Variants in IGF1R observed in about 807,000 individuals in gnomAD.
The protein encoded by IGF1R is insulin-like growth factor 1 receptor.
IGF1R carries 44 observed loss-of-function variants against 144.6 expected under a neutral mutation model. The observed-to-expected ratio is 0.30, with a 90% CI of 0.24 to 0.39. IGF1R has a LOEUF of 0.39. IGF1R is among the 10% of genes least tolerant of loss of function. The pLI is 1.00. For missense variants in IGF1R, 1,355 were observed against 1,833.7 expected (o/e 0.74, Z 4.77); for synonymous variants, 795 against 722.8 (o/e 1.10, Z -1.60).
chr15:98,793,654 AT>A (rs1446202855), intron 2 of IGF1R, among the ~76,000 whole-genome samples: 3 of 152,272 alleles, frequency 2.0e-5, no homozygotes, highest in Non-Finnish European at 4.4e-5. Context: ...CTTGCTAAAT[AT>A]TTATAGCATA....
At chr15:98,942,801 A>G (rs951866408) in intron 18 of IGF1R, 122 bp from the exon 19 acceptor site, 2 of 1,310,204 alleles carry the variant, frequency 1.5e-6, no homozygotes, top group Non-Finnish European at 2.2e-6. Context: ...GGCCACCTTA[A>G]AGTGGGACGT....
intron 2 of IGF1R, among the ~76,000 whole-genome samples, chr15:98,757,520 C>T (rs1358779972): frequency 6.6e-6 from 1 of 152,056 alleles, no homozygotes; most frequent in East Asian, 1.9e-4. Flanking sequence ...GTGTATTTAT[C>T]TGCCGTTTTG....
intron 1 of IGF1R, among the ~76,000 whole-genome samples, chr15:98,670,043 G>C (rs981272793): frequency 2.0e-5 from 3 of 152,192 alleles, no homozygotes; most frequent in African/African-American, 7.2e-5. Flanking sequence ...TGGTTTTGTA[G>C]GATTTGGAGA....
chr15:98,899,393 G>T, intron 4 of IGF1R, 84 bp from the exon 5 acceptor site: 24 of 1,407,712 alleles, frequency 1.7e-5, no homozygotes, highest in East Asian at 9.4e-5. Context: ...CCGTTGAATT[G>T]TTCTCACTTG....
chr15:98,862,566 T>A (rs1267906350), intron 2 of IGF1R, among the ~76,000 whole-genome samples: 1 of 152,230 alleles, frequency 6.6e-6, no homozygotes, highest in Admixed American at 6.5e-5. Flanking sequence ...AACTAGGGAT[T>A]CACCTTATTT....
chr15:98,925,230 G>C (rs1002103856), intron 13 of IGF1R, among the ~76,000 whole-genome samples: 1 of 152,112 alleles, frequency 6.6e-6, no homozygotes, highest in African/African-American at 2.4e-5. Context: ...AATGTACGGT[G>C]CTCACCCTTT....
rs1164194406 is a variant in IGF1R at position 98,930,164 on chromosome 15, C to G, written c.2886-71C>G. On this transcript the variant is annotated intron_variant, in intron 14 of 20. Coordinates refer to ENST00000650285, the MANE Select transcript of IGF1R (RefSeq NM_000875.5). Reference sequence around the variant, plus strand: ...GAGAGGATAAATGAAACTGTTGTAGCGAAGATGAAAGTATATACAGGAATG... The same window carrying G: ...GAGAGGATAAATGAAACTGTTGTAGGGAAGATGAAAGTATATACAGGAATG... The G allele has an allele frequency of 3.9e-6, 4 of 1,025,478 alleles. No homozygotes were observed. In the South Asian group the frequency reaches 5.2e-5, roughly 13 times the overall value. 63.5% of individuals were successfully genotyped at this position (1,025,478 alleles called of 1,614,324 possible).
At chr15:98,883,353 C>CAAATATG in intron 2 of IGF1R, among the ~76,000 whole-genome samples, 1 of 152,264 alleles carries the variant, frequency 6.6e-6, no homozygotes, top group East Asian at 1.9e-4. Flanking sequence ...TGACAGAATC[C>CAAATATG]TCTTGTCTTC....
At position 98,859,044 on chromosome 15, in the gene IGF1R, C is replaced by T. The variant is rs561297567; in HGVS notation, c.641-32281C>T. 2.6e-5 allele frequency among the ~76,000 whole-genome samples: 4 copies of T among 151,168 alleles called. No homozygotes were observed. In the East Asian group the frequency reaches 7.8e-4, roughly 29 times the overall value. On this transcript the variant is annotated intron_variant, in intron 2 of 20. Transcript: ENST00000650285. ...CCAGCCTCCGGGGAGGGTTTAGCTT[C>T]TCATCTAAGCAAGAAGTAAAATGTC... is the stretch of plus-strand genomic sequence containing the variant.
At chr15:98,868,370 T>TTTGG (rs71149424) in intron 2 of IGF1R, among the ~76,000 whole-genome samples, 2 of 122,778 alleles carry the variant, frequency 1.6e-5, no homozygotes, top group Non-Finnish European at 3.3e-5. Flanking sequence ...TTTTTTTTTT[T>TTTGG]GGGGGGGGGG....
intron 2 of IGF1R, among the ~76,000 whole-genome samples, chr15:98,839,088 C>T (rs1008529654): frequency 1.3e-5 from 2 of 152,236 alleles, no homozygotes; most frequent in East Asian, 1.9e-4. Flanking sequence ...GAATCTTGCA[C>T]CTGCTGCCAG....
intron 2 of IGF1R, among the ~76,000 whole-genome samples, chr15:98,787,079 C>T (rs1032272149): frequency 1.3e-5 from 2 of 152,152 alleles, no homozygotes; most frequent in African/African-American, 4.8e-5. Flanking sequence ...CGTAATTGGT[C>T]ATGAGACTTG....
At chr15:98,827,341 G>A (rs2056913300) in intron 2 of IGF1R, among the ~76,000 whole-genome samples, 1 of 152,138 alleles carries the variant, frequency 6.6e-6, no homozygotes, top group African/African-American at 2.4e-5. Flanking sequence ...CCGTTTGAAT[G>A]TATACCATGA....
chr15:98,649,520 CTTTTCTTTTTTTTTTTTTTT>C lies in IGF1R; in HGVS notation c.-57_-38del. The C allele has an allele frequency of 1.2e-6, 1 of 857,962 alleles. No individual in the cohort carries two copies. The highest frequency in any genetic ancestry group is 1.7e-6 in the Non-Finnish European group (1 of 588,892). 53.1% of individuals were successfully genotyped at this position (857,962 alleles called of 1,614,324 possible). A position where few individuals can be genotyped will look rare whatever the true frequency, so the allele number is the denominator to read the frequency against. ...TCCTTTCATTTCCTTTTTTTCTTTT[CTTTTCTTTTTTTTTTTTTTT>C]TTTTTTTTTGAGAAAGGGGAATTTC... On this transcript the variant is annotated 5_prime_UTR_variant, in exon 1 of 21. Transcript: ENST00000650285.
chr15:98,860,380 C>A (rs1303481067), intron 2 of IGF1R, among the ~76,000 whole-genome samples: 2 of 152,180 alleles, frequency 1.3e-5, no homozygotes, highest in African/African-American at 4.8e-5. Context: ...AAAGCAGGAG[C>A]CAGGCCTCTC....
At position 98,916,980 on chromosome 15, in the gene IGF1R, A is replaced by G. The variant is rs1376983057; in HGVS notation, c.2201+104A>G. ...GTGTGTAAGTCAGCAGCTGGGGGGT[A>G]CAATACAGTAGCCACTGAGACGGAG... On this transcript the variant is annotated intron_variant, in intron 10 of 20. Transcript: ENST00000650285. The G allele has an allele frequency of 6.3e-6, 6 of 947,976 alleles. No individual in the cohort carries two copies. In the East Asian group the frequency reaches 1.2e-4, roughly 20 times the overall value. The allele number at this position is 947,976 out of a possible 1,614,324, so 58.7% of individuals were successfully genotyped here. A position where few individuals can be genotyped will look rare whatever the true frequency, so the allele number is the denominator to read the frequency against.
intron 3 of IGF1R, 27 bp from the exon 4 acceptor site, chr15:98,896,730 T>G (rs1400489978): frequency 1.2e-6 from 2 of 1,612,652 alleles, no homozygotes; most frequent in Admixed American, 1.7e-5. Context: ...TATGTGTGTT[T>G]TTGATTTTTT....
chr15:98,957,948 C>T lies in IGF1R; in HGVS notation c.*506C>T, dbSNP rs746281645. 8.8e-5 allele frequency: 21 copies of T among 238,306 alleles called. No individual in the cohort carries two copies. Among genetic ancestry groups the T allele is most frequent in the Non-Finnish European group, 1.7e-4 (20 of 121,146 alleles). 14.8% of individuals were successfully genotyped at this position (238,306 alleles called of 1,614,324 possible). A position where few individuals can be genotyped will look rare whatever the true frequency, so the allele number is the denominator to read the frequency against. ...TGGAGATGGAAATTTTTACCTTTATCTTTCACCTTTCTAGGGACATGAAAT... is the reference window on the plus strand; with the variant it reads ...TGGAGATGGAAATTTTTACCTTTATTTTTCACCTTTCTAGGGACATGAAAT... On this transcript the variant is annotated 3_prime_UTR_variant, in exon 21 of 21. Coordinates refer to ENST00000650285, the MANE Select transcript of IGF1R (RefSeq NM_000875.5).
At chr15:98,917,065 G>A in intron 10 of IGF1R, 189 bp downstream of exon 10, 1 of 674,842 alleles carries the variant, frequency 1.5e-6, no homozygotes, top group Admixed American at 2.1e-5. Flanking sequence ...AGCCCTGAAG[G>A]GAACAGGGAC....
Sources: allele counts gnomAD v4.1 joint callset (sites outside exome capture counted in the v4.1 genomes callset), GRCh38; gene constraint gnomAD v4.1.1; transcripts MANE v1.5; gene names NCBI Gene and HGNC (gene_info 2026-07-23, HGNC 2026-07-21).